NOS1: variants seen among roughly 807,000 people sequenced by gnomAD.
NOS1 encodes nitric oxide synthase 1, also known as NOS type I.
In NOS1, 51 loss-of-function variants were observed where a neutral mutation model predicts 164.5. That is an observed-to-expected ratio of 0.31 (90% CI 0.25 to 0.39). The LOEUF (loss-of-function observed/expected upper bound fraction) is 0.39, where lower values mean the gene tolerates loss of function less well. Ranked by LOEUF, NOS1 falls within the 10% of genes least tolerant of loss-of-function variation. The pLI is 1.00. For missense variants in NOS1, 1,362 were observed against 1,885.6 expected, an observed-to-expected ratio of 0.72 and a Z score of 5.14; for synonymous variants, 719 against 745.8, an observed-to-expected ratio of 0.96 and a Z score of 0.59.
At chr12:117,318,565 T>G (rs1004869825) in intron 2 of NOS1, among the ~76,000 whole-genome samples, 2 of 152,194 alleles carry the variant, frequency 1.3e-5, no homozygotes, top group East Asian at 1.9e-4. Context: ...CTTTGCCAGA[T>G]CCTTCCAACT....
At position 117,226,789 on chromosome 12, in the gene NOS1, C is replaced by T. The variant is rs367868999; in HGVS notation, c.3617-19G>A. The T allele has an allele frequency of 4.4e-6, 7 of 1,603,592 alleles. No individual in the cohort carries two copies. In the African/African-American group the frequency reaches 6.7e-5, roughly 15 times the overall value. On this transcript the variant is annotated intron_variant, in intron 23 of 28. Coordinates refer to ENST00000317775, the MANE Select transcript of NOS1 (RefSeq NM_000620.5). ...TCTCCATCTAGTAGAATAACCAAGG[C>T]AGTCAGGGCCACCCACTGCTCCCGA...
At chr12:117,251,855 C>T (rs2135966615) in intron 17 of NOS1, among the ~76,000 whole-genome samples, 1 of 152,116 alleles carries the variant, frequency 6.6e-6, no homozygotes, top group East Asian at 1.9e-4. Context: ...CCTCAGTCTC[C>T]AGAGTAGCTG....
chr12:117,283,511 G>A (rs1193522511), intron 7 of NOS1, among the ~76,000 whole-genome samples: 1 of 152,170 alleles, frequency 6.6e-6, no homozygotes, highest in African/African-American at 2.4e-5. Context: ...GAGGTGCACT[G>A]CTGGGACTGG....
Position 117,321,262 on chromosome 12 carries a change from G to A in NOS1, c.725+9083C>T, listed in dbSNP as rs1004672820. Among the ~76,000 whole-genome samples, 4 of 152,022 alleles carry A rather than the reference G, an allele frequency of 2.6e-5. No homozygotes were observed. The South Asian group carries it at 6.2e-4, about 24-fold the overall frequency. On this transcript the variant is annotated intron_variant, in intron 2 of 28. Coordinates refer to ENST00000317775, the MANE Select transcript of NOS1 (RefSeq NM_000620.5). ...TGACCTCAGGTGATCCACCCGCCTC[G>A]GCCTCCCAAAGTGCTGGGATTACAG...
chr12:117,232,207 G>T, intron 21 of NOS1, 76 bp from the exon 22 acceptor site: 1 of 1,409,556 alleles, frequency 7.1e-7, no homozygotes, highest in Non-Finnish European at 9.9e-7. Flanking sequence ...GTCTGCTCCT[G>T]GAGCAGAGGA....
intron 1 of NOS1, among the ~76,000 whole-genome samples, chr12:117,334,167 G>A (rs910131277): frequency 2.0e-5 from 3 of 152,322 alleles, no homozygotes; most frequent in East Asian, 1.9e-4. Context: ...CTCTCAGCAC[G>A]TTCTTCTCTC....
chr12:117,329,768 G>A (rs1016854896), intron 2 of NOS1, among the ~76,000 whole-genome samples: 1 of 152,114 alleles, frequency 6.6e-6, no homozygotes, highest in Non-Finnish European at 1.5e-5. Flanking sequence ...GCGGTTTTTA[G>A]GAACCGGGGC....
chr12:117,357,697 T>C (rs1307951299), intron 1 of NOS1, among the ~76,000 whole-genome samples: 1 of 152,192 alleles, frequency 6.6e-6, no homozygotes, highest in Non-Finnish European at 1.5e-5. Context: ...GAATGCTGAT[T>C]CGGTAGATTT....
intron 3 of NOS1, among the ~76,000 whole-genome samples, chr12:117,291,762 C>T (rs549211488): frequency 5.5e-4 from 84 of 152,056 alleles, no homozygotes; most frequent in Non-Finnish European, 8.8e-4. Context: ...TCTTGAACTC[C>T]TAGACTCAAG....
At chr12:117,294,125 A>G (rs938679183) in intron 3 of NOS1, among the ~76,000 whole-genome samples, 1 of 152,174 alleles carries the variant, frequency 6.6e-6, no homozygotes, top group African/African-American at 2.4e-5. Flanking sequence ...TTCTCCCTAC[A>G]TACCCAGTTT....
chr12:117,246,435 CT>C (rs1242800505), intron 18 of NOS1, among the ~76,000 whole-genome samples: 2 of 152,160 alleles, frequency 1.3e-5, no homozygotes, highest in African/African-American at 4.8e-5. Flanking sequence ...CATGTCCAGC[CT>C]TATTTAATTT....
At chr12:117,295,689 C>T (rs1351807568) in intron 3 of NOS1, among the ~76,000 whole-genome samples, 1 of 143,842 alleles carries the variant, frequency 7.0e-6, no homozygotes, top group Non-Finnish European at 1.5e-5. Flanking sequence ...GTGATCTTGG[C>T]TCACTGCAAC....
intron 21 of NOS1, among the ~76,000 whole-genome samples, chr12:117,232,679 T>C (rs967268137): frequency 2.0e-5 from 3 of 152,196 alleles, no homozygotes; most frequent in Non-Finnish European, 4.4e-5. Flanking sequence ...ACACAGCTCA[T>C]AAGCGTGAAG....
intron 13 of NOS1, among the ~76,000 whole-genome samples, chr12:117,263,502 G>T (rs1262176338): frequency 6.6e-6 from 1 of 151,640 alleles, no homozygotes; most frequent in Non-Finnish European, 1.5e-5. Context: ...AAGAAAGAAA[G>T]AAAGAAAAGA....
At chr12:117,355,976 C>T (rs527798709) in intron 1 of NOS1, among the ~76,000 whole-genome samples, 13 of 152,166 alleles carry the variant, frequency 8.5e-5, no homozygotes, top group African/African-American at 3.1e-4. Flanking sequence ...TGGGCTCAAA[C>T]GCTGAGCTCA....
chr12:117,312,262 T>C (rs2136056014), intron 2 of NOS1, among the ~76,000 whole-genome samples: 1 of 152,286 alleles, frequency 6.6e-6, no homozygotes, highest in South Asian at 2.1e-4. Context: ...AGACACGGGT[T>C]CTCCCTGTGT....
At chr12:117,291,254 A>G (rs994384729) in intron 3 of NOS1, among the ~76,000 whole-genome samples, 1 of 152,166 alleles carries the variant, frequency 6.6e-6, no homozygotes, top group African/African-American at 2.4e-5. Flanking sequence ...AATTGAAAAA[A>G]TGTGAAGCAA....
intron 27 of NOS1, among the ~76,000 whole-genome samples, chr12:117,218,425 C>T (rs373624739): frequency 6.6e-6 from 1 of 152,042 alleles, no homozygotes; most frequent in Non-Finnish European, 1.5e-5. Flanking sequence ...CTGGAAACAC[C>T]GCTGCTGCTT....
At chr12:117,247,205 G>A (rs9658464) in intron 18 of NOS1, 143 bp downstream of exon 18, 96 of 632,938 alleles carry the variant, frequency 1.5e-4, no homozygotes, top group South Asian at 1.5e-3. Context: ...TGTCTGAGCT[G>A]TTTAAAGCTG....
Sources: allele counts gnomAD v4.1 joint callset (sites outside exome capture counted in the v4.1 genomes callset), GRCh38; gene constraint gnomAD v4.1.1; transcripts MANE v1.5; gene names NCBI Gene and HGNC (gene_info 2026-07-23, HGNC 2026-07-21).